Variants in GAL3ST1 observed in about 807,000 individuals in gnomAD.
The protein encoded by GAL3ST1 is galactose-3-O-sulfotransferase 1, also known as galactosylceramide sulfotransferase.
GAL3ST1 carries 13 observed loss-of-function variants against 25.0 expected under a neutral mutation model. That is an observed-to-expected ratio of 0.52 (90% CI 0.34 to 0.83). GAL3ST1 has a LOEUF of 0.83. Ranked by LOEUF, GAL3ST1 falls within the 40% of genes least tolerant of loss-of-function variation. GAL3ST1 has a pLI of 0.02. For synonymous variants in GAL3ST1, 274 were observed against 277.8 expected (o/e 0.99, Z 0.14); for missense variants, 474 against 613.6 (o/e 0.77, Z 2.40).
rs747366215 is a variant in GAL3ST1, at chr22:30,555,167, T to G, written c.1058A>C (p.Asp353Ala). ...TICIDGGHAV[D>A]AAAIQDEAMQ... The stretch of plus-strand genomic sequence containing the variant: ...GGCCTCGTCCTGGATGGCGGCGGCG[T>G]CCACGGCGTGGCCCCCGTCGATGCA... The change falls in exon 4 of 4, where the codon GAC becomes GCC. Residue 353 changes from aspartate (D) to alanine (A), a missense_variant. Physicochemically the swap from Asp to Ala is moderately radical, Grantham distance 126. Transcript: ENST00000406361. The surrounding 1 kb of genome is among the most constrained non-coding windows in gnomAD (Gnocchi z 8.6). The G allele has an allele frequency of 6.2e-7, 1 of 1,603,690 alleles. No homozygotes were observed. The highest frequency in any genetic ancestry group is 8.5e-7 in the Non-Finnish European group (1 of 1,176,818).
At chr22:30,573,612 C>T (rs921104080) in intron 1 of GAL3ST1, among the ~76,000 whole-genome samples, 4 of 152,238 alleles carry the variant, frequency 2.6e-5, no homozygotes, top group African/African-American at 9.6e-5. Context: ...TCTCTCCCCT[C>T]TGGAGGATTC....
At chr22:30,563,224 C>T (rs2086504494) in intron 1 of GAL3ST1, 1 of 152,220 alleles carries the variant, frequency 6.6e-6, no homozygotes, top group Admixed American at 6.5e-5. Context: ...ATGGAAAATT[C>T]CATACCTGAC....
intron 3 of GAL3ST1, among the ~76,000 whole-genome samples, chr22:30,556,891 T>C (rs1268313001): frequency 6.6e-6 from 1 of 152,178 alleles, no homozygotes; most frequent in African/African-American, 2.4e-5. Flanking sequence ...CACACCACCA[T>C]GCCCAGCTAA....
At chr22:30,563,639 C>G (rs899610794) in intron 1 of GAL3ST1, among the ~76,000 whole-genome samples, 1 of 150,852 alleles carries the variant, frequency 6.6e-6, no homozygotes, top group Non-Finnish European at 1.5e-5. Flanking sequence ...TTAGGCTGGG[C>G]ACAGTGGCTC....
chr22:30,562,679 A>G (rs2086474264), intron 1 of GAL3ST1, among the ~76,000 whole-genome samples: 1 of 152,124 alleles, frequency 6.6e-6, no homozygotes, highest in Non-Finnish European at 1.5e-5. Context: ...ACTTCCCATG[A>G]CCCTCAGGGC....
At position 30,555,492 on chromosome 22, in the gene GAL3ST1, G is replaced by T. The variant is rs971734225; in HGVS notation, c.733C>A (p.Arg245Ser). The T allele has an allele frequency of 1.4e-5, 23 of 1,613,210 alleles. No homozygotes were observed. The highest frequency in any genetic ancestry group is 1.9e-5 in the Non-Finnish European group (23 of 1,179,740). ...TCTTGAAGGAGCACCAGGTGGAAGC[G>T]ACGCTCCACCTCCAGGATGTGCTCC... ...VQEHILEVER[R>S]FHLVLLQEYF... The change falls in exon 4 of 4, where the codon CGC (arginine) becomes AGC (serine). Residue 245 changes from arginine to serine, a missense_variant. Arg to Ser is a moderately radical substitution (Grantham distance 110). Coordinates refer to ENST00000406361, the MANE Select transcript of GAL3ST1 (RefSeq NM_001318104.2). The surrounding 1 kb of genome is among the most constrained non-coding windows in gnomAD (Gnocchi z 8.6).
At position 30,554,895 on chromosome 22, in the gene GAL3ST1, C is replaced by A. The variant is rs1034729331; in HGVS notation, c.*58G>T. On this transcript the variant is annotated 3_prime_UTR_variant, in exon 4 of 4. Coordinates refer to ENST00000406361, the MANE Select transcript of GAL3ST1 (RefSeq NM_001318104.2). ...TGGGGGCGGCCAGCACCAGCGGCGT[C>A]CTGCTCAGCCCCTCTGCAGGGAGCG... 1 of 1,357,536 alleles carries A rather than the reference C, an allele frequency of 7.4e-7. No individual in the cohort carries two copies. The allele number at this position is 1,357,536 out of a possible 1,614,324, so 84.1% of individuals were successfully genotyped here.
At chr22:30,569,594 TG>T (rs111887722) in intron 1 of GAL3ST1, among the ~76,000 whole-genome samples, 5,508 of 145,546 alleles carry the variant, frequency 0.038, 285 homozygotes, top group East Asian at 0.21. Context: ...AGGGGGGTCT[TG>T]GGGGAGGGAA....
chr22:30,573,398 C>T (rs2086831614), intron 1 of GAL3ST1, among the ~76,000 whole-genome samples: 1 of 152,190 alleles, frequency 6.6e-6, no homozygotes, highest in African/African-American at 2.4e-5. Flanking sequence ...TCAGTATCCC[C>T]CTCTGGATAA....
intron 2 of GAL3ST1, 200 bp from the exon 3 acceptor site, chr22:30,557,601 TGGG>T: frequency 1.9e-6 from 1 of 519,036 alleles, no homozygotes; most frequent in Non-Finnish European, 3.4e-6. Context: ...GCAGAGACGG[TGGG>T]TGAAGCAACT....
chr22:30,556,132 T>A, intron 3 of GAL3ST1, 39 bp from the exon 4 acceptor site: 1 of 1,518,882 alleles, frequency 6.6e-7, no homozygotes, highest in Non-Finnish European at 9.0e-7. Flanking sequence ...CTCAGGGGGG[T>A]GCTGGGGCCC....
chr22:30,574,019 G>T (rs2086842440), intron 1 of GAL3ST1, among the ~76,000 whole-genome samples: 2 of 152,174 alleles, frequency 1.3e-5, no homozygotes, highest in Non-Finnish European at 2.9e-5. Context: ...CCCTTACTAT[G>T]GTCTCCGGTT....
chr22:30,555,222 G>T lies in GAL3ST1; in HGVS notation c.1003C>A (p.Arg335Ser). Residue 335 changes from arginine to serine, a missense_variant, in exon 4 of 4, where the codon CGC becomes AGC. This residue lies in a region of GAL3ST1 where 359 missense variants were observed against 504.4 expected (regional missense o/e 0.71). Coordinates refer to ENST00000406361, the MANE Select transcript of GAL3ST1 (RefSeq NM_001318104.2). The surrounding 1 kb of genome is among the most constrained non-coding windows in gnomAD (Gnocchi z 8.6). ...GTCCGCATGCGCTCGTTGGCATGGC[G>T]CAGGGCGGCCACCTCGCGGGCCATG... The part of the protein sequence containing the change: ...ERMAREVAAL[R>S]HANERMRTIC... 6.3e-7 allele frequency: 1 copy of T among 1,598,756 alleles called. No individual in the cohort carries two copies.
rs1270245097 is a variant in GAL3ST1, at chr22:30,554,755, T to G, written c.*198A>C. 2.7e-5 allele frequency: 14 copies of G among 509,240 alleles called. No individual in the cohort carries two copies. Among genetic ancestry groups the G allele is most frequent in the Admixed American group, 7.5e-5 (2 of 26,528 alleles). The allele number at this position is 509,240 out of a possible 1,614,324, so 31.5% of individuals were successfully genotyped here. A position where few individuals can be genotyped will look rare whatever the true frequency, so the allele number is the denominator to read the frequency against. On this transcript the variant is annotated 3_prime_UTR_variant, in exon 4 of 4. Transcript: ENST00000406361. ...TTTAATAAAAACTGGTATAATTAGT[T>G]AAATACTGATCTCGGTTAGGCCCTC...
At chr22:30,572,536 T>C (rs779901456) in intron 1 of GAL3ST1, among the ~76,000 whole-genome samples, 1 of 152,170 alleles carries the variant, frequency 6.6e-6, no homozygotes, top group African/African-American at 2.4e-5. Flanking sequence ...CCTCTGATTG[T>C]ATTGTGATCC....
At position 30,555,211 on chromosome 22, in the gene GAL3ST1, G is replaced by A. The variant is rs2085922733; in HGVS notation, c.1014C>T (p.Asn338=). 9 of 1,599,160 alleles carry A rather than the reference G, an allele frequency of 5.6e-6. No individual in the cohort carries two copies. Among genetic ancestry groups the A allele is most frequent in the South Asian group, 4.4e-5 (4 of 90,734 alleles). The change falls in exon 4 of 4, where the codon AAC becomes AAT. Residue 338 remains asparagine (N), a synonymous_variant. Coordinates refer to ENST00000406361, the MANE Select transcript of GAL3ST1 (RefSeq NM_001318104.2). This position sits in a 1 kb window ranked among gnomAD's most constrained non-coding sequence, Gnocchi z 8.6. ...AREVAALRHA[N]ERMRTICIDG... ...CGATGCAGATGGTCCGCATGCGCTC[G>A]TTGGCATGGCGCAGGGCGGCCACCT...
intron 1 of GAL3ST1, among the ~76,000 whole-genome samples, chr22:30,572,536 T>G (rs779901456): frequency 5.3e-5 from 8 of 152,170 alleles, no homozygotes; most frequent in Non-Finnish European, 1.0e-4. Context: ...CCTCTGATTG[T>G]ATTGTGATCC....
chr22:30,555,786 C>T lies in GAL3ST1; in HGVS notation c.439G>A (p.Asp147Asn), dbSNP rs1338858292. 1.2e-6 allele frequency: 2 copies of T among 1,613,992 alleles called. No homozygotes were observed. The highest frequency in any genetic ancestry group is 1.1e-5 in the South Asian group (1 of 91,088). Residue 147 changes from aspartate to asparagine, a missense_variant, in exon 4 of 4, where the codon GAC becomes AAC. Physicochemically the swap from Asp to Asn is conservative, Grantham distance 23. Around this residue, in one of 2 missense-constraint regions of GAL3ST1, gnomAD observed 359 missense variants for 504.4 expected, o/e 0.71. Transcript: ENST00000406361. The surrounding 1 kb of genome is among the most constrained non-coding windows in gnomAD (Gnocchi z 8.6). ...GTCGGCACCAGGCCGCGCACCTCGT[C>T]GTAGTGGAAGCGCATGTGGTTGCAG... ...IICNHMRFHYDEVRGLVPTNA... is the reference protein window; with the variant it reads ...IICNHMRFHYNEVRGLVPTNA...
At position 30,554,827 on chromosome 22, in the gene GAL3ST1, G is replaced by C. The variant is rs1041299941; in HGVS notation, c.*126C>G. On this transcript the variant is annotated 3_prime_UTR_variant, in exon 4 of 4. Transcript: ENST00000406361. ...TTGGCTGGCTGCCTCCCCCCAGGGA[G>C]CCCCCCCTCACCCCGGGGTCTGAGG... The C allele has an allele frequency of 4.3e-6, 3 of 691,898 alleles. No homozygotes were observed. In the African/African-American group the frequency reaches 5.5e-5, roughly 13 times the overall value. 42.9% of individuals were successfully genotyped at this position (691,898 alleles called of 1,614,324 possible).
Sources: gnomAD v4.1 joint callset for allele counts (sites outside exome capture counted in the v4.1 genomes callset) on GRCh38, gnomAD v4.1.1 for gene constraint, gnomAD v4.1.1 regional missense constraint, Gnocchi (gnomAD v3.1) non-coding constraint, MANE v1.5 for transcripts, NCBI Gene and HGNC (gene_info 2026-07-23, HGNC 2026-07-21) for gene names.